SH2D2A: variants seen among roughly 807,000 people sequenced by gnomAD.
SH2D2A encodes the protein SH2 domain-containing protein 2A.
A neutral mutation model predicts 43.6 loss-of-function variants in SH2D2A; 33 were observed. The observed-to-expected ratio is 0.76, with a 90% CI of 0.57 to 1.01. The LOEUF (loss-of-function observed/expected upper bound fraction) is 1.01. Ranked by LOEUF, SH2D2A falls within the 50% of genes least tolerant of loss-of-function variation. The probability of loss-of-function intolerance (pLI) is 0.00; values close to 1 mark genes in which losing one functional copy is unlikely to be tolerated. For synonymous variants in SH2D2A, 212 were observed against 206.1 expected, an observed-to-expected ratio of 1.03 and a Z score of -0.25; for missense variants, 491 against 503.1, an observed-to-expected ratio of 0.98 and a Z score of 0.23.
rs192884426 is a variant in SH2D2A, at chr1:156,809,846, C to T, written c.568-39G>A. ...AGGAGGTCTGAGGCACTCGGTGGAG[C>T]GTTGGGGTGGGGGAGGTGATCAGGA... On this transcript the variant is annotated intron_variant, in intron 5 of 8. Coordinates refer to ENST00000368199, the MANE Select transcript of SH2D2A (RefSeq NM_003975.4). The surrounding 1 kb of genome is among the most constrained non-coding windows in gnomAD (Gnocchi z 4.8). 1.2e-6 allele frequency: 2 copies of T among 1,603,104 alleles called. No homozygotes were observed. Among genetic ancestry groups the T allele is most frequent in the East Asian group, 2.3e-5 (1 of 44,166 alleles).
chr1:156,809,244 C>G lies in SH2D2A; in HGVS notation c.961G>C (p.Val321Leu), dbSNP rs1653207716. 1.2e-6 allele frequency: 2 copies of G among 1,613,696 alleles called. No individual in the cohort carries two copies. Among genetic ancestry groups the G allele is most frequent in the South Asian group, 2.2e-5 (2 of 91,010 alleles). Residue 321 changes from valine to leucine, a missense_variant, in exon 7 of 9, where the codon GTC becomes CTC. Coordinates refer to ENST00000368199, the MANE Select transcript of SH2D2A (RefSeq NM_003975.4). The surrounding 1 kb of genome is among the most constrained non-coding windows in gnomAD (Gnocchi z 4.8). ...EGLPATLGHP[V>L]LRKSWSRPVP... ...GGCCTGGACCAGCTCTTCCGTAGGA[C>G]AGGGTGCCCAAGGGTGGCGGGTAGG...
At chr1:156,814,367 C>A in intron 3 of SH2D2A, 73 bp from the exon 4 acceptor site, 1 of 1,558,932 alleles carries the variant, frequency 6.4e-7, no homozygotes. Context: ...CCCCGGCTCT[C>A]ACGAGGAACC....
chr1:156,813,423 G>T (rs947551908), intron 5 of SH2D2A, among the ~76,000 whole-genome samples: 2 of 152,212 alleles, frequency 1.3e-5, no homozygotes, highest in Admixed American at 1.3e-4. Flanking sequence ...GGGGCCTAGA[G>T]GGGGGAAGCT....
chr1:156,811,259 T>C (rs1653397214), intron 5 of SH2D2A, among the ~76,000 whole-genome samples: 1 of 152,186 alleles, frequency 6.6e-6, no homozygotes, highest in African/African-American at 2.4e-5. Context: ...CTTTTCTCCA[T>C]GCACATGGCC....
At chr1:156,813,623 C>A (rs532785169) in intron 5 of SH2D2A, among the ~76,000 whole-genome samples, 1 of 152,352 alleles carries the variant, frequency 6.6e-6, no homozygotes, top group Admixed American at 6.5e-5. Context: ...CCCTCTGACT[C>A]CGTGTGGCTG....
intron 5 of SH2D2A, among the ~76,000 whole-genome samples, chr1:156,811,299 C>G (rs557444245): frequency 2.9e-3 from 449 of 152,318 alleles, no homozygotes; most frequent in Non-Finnish European, 4.2e-3. Context: ...CCTGACTCCT[C>G]CCCCTGCATC....
At chr1:156,816,178 G>C in intron 1 of SH2D2A, 84 bp from the exon 2 acceptor site, 1 of 1,501,310 alleles carries the variant, frequency 6.7e-7, no homozygotes, top group Non-Finnish European at 8.9e-7. Flanking sequence ...CCAGGCTCAG[G>C]GGATCTGGAG....
intron 4 of SH2D2A, 81 bp downstream of exon 4, chr1:156,814,124 G>C: frequency 6.4e-7 from 1 of 1,570,040 alleles, no homozygotes; most frequent in Non-Finnish European, 8.6e-7. Flanking sequence ...CTAAGAGCCC[G>C]GCTCCTCACG....
rs1161346210 is a variant in SH2D2A at position 156,807,256 on chromosome 1, G to A, written c.1092C>T (p.His364=). ...GTCTAGAAAGATTGTGGGGGAGGGT[G>A]TGTCTCCAGGCGGGTGGGGGCTGGT... ...LPHQPPPAWR[H]TLPHNLSRQV... The change falls in exon 8 of 9, where the codon CAC becomes CAT. Residue 364 remains histidine, a synonymous_variant. Coordinates refer to ENST00000368199, the MANE Select transcript of SH2D2A (RefSeq NM_003975.4). The surrounding 1 kb of genome is among the most constrained non-coding windows in gnomAD (Gnocchi z 5.1). 6.3e-7 allele frequency: 1 copy of A among 1,579,266 alleles called. No homozygotes were observed. The highest frequency in any genetic ancestry group is 8.6e-7 in the Non-Finnish European group (1 of 1,160,916).
chr1:156,815,676 G>A, intron 2 of SH2D2A: 3 of 845,424 alleles, frequency 3.5e-6, no homozygotes, highest in Admixed American at 1.8e-5. Context: ...GGACTGAGAC[G>A]GGAATGTGGA....
rs140038690 is a variant in SH2D2A at position 156,816,425 on chromosome 1, C to T, written c.34+250G>A. Reference sequence around the variant, plus strand: ...TCCAGGATCTTCTGCCTCCTTCTCCCTTCATCCTCCTGCTCCCTCCTCTCT... The same window carrying T: ...TCCAGGATCTTCTGCCTCCTTCTCCTTTCATCCTCCTGCTCCCTCCTCTCT... On this transcript the variant is annotated intron_variant, in intron 1 of 8. Coordinates refer to ENST00000368199, the MANE Select transcript of SH2D2A (RefSeq NM_003975.4). Among the ~76,000 whole-genome samples, 450 of 152,332 alleles carry T rather than the reference C, an allele frequency of 3.0e-3. 4 individuals are homozygous for T. The highest frequency in any genetic ancestry group is 0.01 in the African/African-American group (423 of 41,566).
In SH2D2A at chr1:156,813,878, C is replaced by T; in HGVS notation, c.537G>A (p.Gly179=). ...GGGCGAGGGGCTCGGTGAGCGTCTC[C>T]CCGTAGGGGCTGAGCGGGTGCGCGG... ...HYTAHPLSPY[G]ETLTEPLARQ... Residue 179 remains glycine (G), a synonymous_variant, in exon 5 of 9, where the codon GGG becomes GGA. Transcript: ENST00000368199. 1 of 1,525,958 alleles carries T rather than the reference C, an allele frequency of 6.6e-7. No individual in the cohort carries two copies. The highest frequency in any genetic ancestry group is 8.8e-7 in the Non-Finnish European group (1 of 1,138,052). The allele number at this position is 1,525,958 out of a possible 1,614,324, so 94.5% of individuals were successfully genotyped here.
chr1:156,810,022 G>A (rs1024950444), intron 5 of SH2D2A, among the ~76,000 whole-genome samples: 3 of 152,140 alleles, frequency 2.0e-5, no homozygotes, highest in African/African-American at 7.2e-5. Context: ...TCTGGTCACA[G>A]GCCATATCTA....
Position 156,809,914 on chromosome 1 carries a change from A to G in SH2D2A, c.568-107T>C. On this transcript the variant is annotated intron_variant, in intron 5 of 8. Transcript: ENST00000368199. This position sits in a 1 kb window ranked among gnomAD's most constrained non-coding sequence, Gnocchi z 4.8. ...CTAAGTGGAGGATGGGGGAAGGGGGAGGAGCACAGAAATTTGGCCTGGGCT... is the reference window on the plus strand; with the variant it reads ...CTAAGTGGAGGATGGGGGAAGGGGGGGGAGCACAGAAATTTGGCCTGGGCT... The G allele has an allele frequency of 1.5e-6, 2 of 1,291,722 alleles. No individual in the cohort carries two copies. The highest frequency in any genetic ancestry group is 2.4e-5 in the East Asian group (1 of 41,400). 80.0% of individuals were successfully genotyped at this position (1,291,722 alleles called of 1,614,324 possible).
At chr1:156,816,344 GCTGGCCTTCGGATGGT>G (rs1379406317) in intron 1 of SH2D2A, among the ~76,000 whole-genome samples, 2 of 152,214 alleles carry the variant, frequency 1.3e-5, no homozygotes, top group Non-Finnish European at 2.9e-5. Context: ...TGGGAGTCAG[GCTGGCCTTCGGATGGT>G]CAGGGAGGCA....
At chr1:156,811,675 A>G (rs903666473) in intron 5 of SH2D2A, among the ~76,000 whole-genome samples, 1 of 152,084 alleles carries the variant, frequency 6.6e-6, no homozygotes, top group African/African-American at 2.4e-5. Flanking sequence ...CCTAGTATCA[A>G]TTCCACCCTC....
chr1:156,809,229 A>T lies in SH2D2A; in HGVS notation c.976T>A (p.Trp326Arg). ...TLGHPVLRKS[W>R]SRPVPGGQNT... Reference sequence around the variant, plus strand: ...TGGCCTCCTGGGACAGGCCTGGACCAGCTCTTCCGTAGGACAGGGTGCCCA... The same window carrying T: ...TGGCCTCCTGGGACAGGCCTGGACCTGCTCTTCCGTAGGACAGGGTGCCCA... The change falls in exon 7 of 9, where the codon TGG becomes AGG. Residue 326 changes from tryptophan (W) to arginine (R), a missense_variant. Physicochemically the swap from Trp to Arg is moderately radical, Grantham distance 101. Coordinates refer to ENST00000368199, the MANE Select transcript of SH2D2A (RefSeq NM_003975.4). The surrounding 1 kb of genome is among the most constrained non-coding windows in gnomAD (Gnocchi z 4.8). 6.2e-7 allele frequency: 1 copy of T among 1,613,160 alleles called. No individual in the cohort carries two copies. The highest frequency in any genetic ancestry group is 8.5e-7 in the Non-Finnish European group (1 of 1,179,492).
chr1:156,815,034 C>T lies in SH2D2A; in HGVS notation c.308+3G>A. ...TGGGCCAATTTCCTCCTCCATGACT[C>T]ACCTCCGGGTGATGAAGCCATGGAA... On this transcript the variant is annotated splice_donor_region_variant and intron_variant, in intron 3 of 8. Transcript: ENST00000368199. The T allele has an allele frequency of 6.6e-7, 1 of 1,519,980 alleles. No individual in the cohort carries two copies. Among genetic ancestry groups the T allele is most frequent in the South Asian group, 1.3e-5 (1 of 79,444 alleles). 94.2% of individuals were successfully genotyped at this position (1,519,980 alleles called of 1,614,324 possible). A position where few individuals can be genotyped will look rare whatever the true frequency, so the allele number is the denominator to read the frequency against.
At position 156,809,643 on chromosome 1, in the gene SH2D2A, G is replaced by A; in HGVS notation, c.714+18C>T. 1 of 1,600,684 alleles carries A rather than the reference G, an allele frequency of 6.2e-7. No individual in the cohort carries two copies. The highest frequency in any genetic ancestry group is 8.5e-7 in the Non-Finnish European group (1 of 1,174,776). On this transcript the variant is annotated intron_variant, in intron 6 of 8. Transcript: ENST00000368199. This position sits in a 1 kb window ranked among gnomAD's most constrained non-coding sequence, Gnocchi z 4.8. The stretch of plus-strand genomic sequence containing the variant: ...GCAGGCCTGTCCTCCCACTCCCTCA[G>A]CCCCTGCAGCCCAATACCTCCTTCT...
Sources: gnomAD v4.1 joint callset for allele counts (sites outside exome capture counted in the v4.1 genomes callset) on GRCh38, gnomAD v4.1.1 for gene constraint, Gnocchi (gnomAD v3.1) non-coding constraint, MANE v1.5 for transcripts, NCBI Gene and HGNC (gene_info 2026-07-23, HGNC 2026-07-21) for gene names.